Variants in SPHKAP observed in about 807,000 individuals in gnomAD.
SPHKAP encodes A-kinase anchor protein SPHKAP.
In SPHKAP, 67 loss-of-function variants were observed where a neutral mutation model predicts 137.5. That is an observed-to-expected ratio of 0.49 (90% CI 0.40 to 0.60). The LOEUF (loss-of-function observed/expected upper bound fraction) is 0.60. SPHKAP is among the 20% of genes least tolerant of loss of function. SPHKAP has a pLI of 0.00. For synonymous variants in SPHKAP, 813 were observed against 785.3 expected, an observed-to-expected ratio of 1.04 and a Z score of -0.59; for missense variants, 2,097 against 2,069.3, an observed-to-expected ratio of 1.01 and a Z score of -0.26.
intron 4 of SPHKAP, 34 bp from the exon 5 acceptor site, chr2:228,025,562 T>C: frequency 1.2e-6 from 2 of 1,610,672 alleles, no homozygotes; most frequent in Non-Finnish European, 1.7e-6. Flanking sequence ...GTTTAGCTGA[T>C]TTCTTTTCAC....
At chr2:228,006,544 A>G (rs1024922160) in intron 7 of SPHKAP, among the ~76,000 whole-genome samples, 5 of 152,138 alleles carry the variant, frequency 3.3e-5, no homozygotes, top group Non-Finnish European at 5.9e-5. Context: ...TCATCTCGTC[A>G]AAGTCATTCT....
intron 3 of SPHKAP, among the ~76,000 whole-genome samples, chr2:228,068,687 C>A (rs1696908097): frequency 6.6e-6 from 1 of 152,100 alleles, no homozygotes; most frequent in African/African-American, 2.4e-5. Context: ...CATACAAAAA[C>A]AAAATCAAAA....
intron 1 of SPHKAP, among the ~76,000 whole-genome samples, chr2:228,159,175 G>A (rs1238305011): frequency 5.9e-5 from 9 of 152,080 alleles, no homozygotes; most frequent in Admixed American, 5.9e-4. Flanking sequence ...TCCTAAATAT[G>A]GTGTGAAGGC....
At chr2:228,062,492 A>G (rs1008737358) in intron 3 of SPHKAP, among the ~76,000 whole-genome samples, 7 of 152,104 alleles carry the variant, frequency 4.6e-5, no homozygotes, top group Admixed American at 4.6e-4. Context: ...ATTTCCTATC[A>G]CATCTTGCAC....
At position 227,981,614 on chromosome 2, in the gene SPHKAP, A is replaced by G. The variant is rs1376067273; in HGVS notation, c.*103T>C. 1 of 1,427,200 alleles carries G rather than the reference A, an allele frequency of 7.0e-7. No individual in the cohort carries two copies. The highest frequency in any genetic ancestry group is 9.4e-7 in the Non-Finnish European group (1 of 1,062,246). The allele number at this position is 1,427,200 out of a possible 1,614,324, so 88.4% of individuals were successfully genotyped here. A position where few individuals can be genotyped will look rare whatever the true frequency, so the allele number is the denominator to read the frequency against. ...GCAGATTTTTTTTTATAGTTCTGCT[A>G]ATGTGATGTGATGTTTTGAGAATGT... is the stretch of plus-strand genomic sequence containing the variant. On this transcript the variant is annotated 3_prime_UTR_variant, in exon 12 of 12. Transcript: ENST00000392056.
intron 2 of SPHKAP, among the ~76,000 whole-genome samples, chr2:228,127,526 T>C (rs1222611847): frequency 1.3e-5 from 2 of 152,174 alleles, no homozygotes; most frequent in Non-Finnish European, 2.9e-5. Context: ...TGAAATGAAA[T>C]GAATGTGCTA....
rs200851225 is a variant in SPHKAP, at chr2:228,016,981, G to C, written c.3873C>G (p.Cys1291Trp). ...GGTCAGTCCCACCTCTCCGATACAAGCAAGAGTCAGATTTGCAGAGACCGG... is the reference window on the plus strand; with the variant it reads ...GGTCAGTCCCACCTCTCCGATACAACCAAGAGTCAGATTTGCAGAGACCGG... ...SSSGLCKSDS[C>W]LYRRGGTDHI... Residue 1291 changes from cysteine to tryptophan, a missense_variant, in exon 7 of 12, where the codon TGC becomes TGG. Transcript: ENST00000392056. 9.7e-5 allele frequency: 157 copies of C among 1,614,158 alleles called. 1 individual carries two copies. In the East Asian group the frequency reaches 3.3e-3, roughly 33 times the overall value.
intron 3 of SPHKAP, among the ~76,000 whole-genome samples, chr2:228,066,211 A>G (rs1485712932): frequency 6.6e-6 from 1 of 152,142 alleles, no homozygotes; most frequent in African/African-American, 2.4e-5. Context: ...GAAGCCCCAA[A>G]TGGTTCTTTT....
chr2:228,053,965 T>C (rs59974536), intron 3 of SPHKAP, among the ~76,000 whole-genome samples: 152,191 of 152,336 alleles, frequency 1, 76,025 homozygotes, highest in Middle Eastern at 1. Context: ...TTTAGTGCAT[T>C]GCTTCAAACA....
At chr2:228,133,280 C>T (rs56667814) in intron 1 of SPHKAP, among the ~76,000 whole-genome samples, 3,354 of 151,864 alleles carry the variant, frequency 0.022, 120 homozygotes, top group African/African-American at 0.077. Context: ...GTACTCCAGC[C>T]TGGGCCACAG....
chr2:228,157,159 T>C (rs1700130814), intron 1 of SPHKAP, among the ~76,000 whole-genome samples: 1 of 152,198 alleles, frequency 6.6e-6, no homozygotes, highest in Non-Finnish European at 1.5e-5. Flanking sequence ...TGAATATTAC[T>C]CTTATAAAGT....
At chr2:228,030,726 A>ATT (rs397974672) in intron 3 of SPHKAP, among the ~76,000 whole-genome samples, 44 of 146,858 alleles carry the variant, frequency 3.0e-4, no homozygotes, top group South Asian at 1.1e-3. Flanking sequence ...CCTCCATAAT[A>ATT]TTTTTTTTTT....
At chr2:228,157,709 G>A (rs377374476) in intron 1 of SPHKAP, among the ~76,000 whole-genome samples, 1 of 152,080 alleles carries the variant, frequency 6.6e-6, no homozygotes, top group Non-Finnish European at 1.5e-5. Flanking sequence ...GGAAGCTTAC[G>A]GAGGAAAGCT....
At chr2:228,099,013 T>C (rs1392360733) in intron 3 of SPHKAP, among the ~76,000 whole-genome samples, 2 of 152,216 alleles carry the variant, frequency 1.3e-5, no homozygotes, top group Non-Finnish European at 2.9e-5. Context: ...TCTCTTTTTC[T>C]GTGAAGAAGC....
chr2:228,157,011 G>T (rs995237992), intron 1 of SPHKAP, among the ~76,000 whole-genome samples: 3 of 152,092 alleles, frequency 2.0e-5, no homozygotes, highest in African/African-American at 7.2e-5. Context: ...ACAGTGCAAG[G>T]AGCTCAAGAT....
chr2:228,114,163 CTAA>C (rs1698628370), intron 2 of SPHKAP, among the ~76,000 whole-genome samples: 1 of 152,082 alleles, frequency 6.6e-6, no homozygotes. Flanking sequence ...AGATGAAGAG[CTAA>C]TAATGAATGT....
intron 3 of SPHKAP, among the ~76,000 whole-genome samples, chr2:228,041,967 C>G (rs989254223): frequency 6.6e-6 from 1 of 151,718 alleles, no homozygotes; most frequent in Non-Finnish European, 1.5e-5. Context: ...GTCTTAAGGC[C>G]GAACCATAAC....
intron 7 of SPHKAP, chr2:227,996,108 T>C (rs556718723): frequency 1.0e-6 from 1 of 985,184 alleles, no homozygotes; most frequent in Non-Finnish European, 1.2e-6. Context: ...TTGATTCTAA[T>C]GCAAGAGGAT....
intron 1 of SPHKAP, among the ~76,000 whole-genome samples, chr2:228,152,776 T>C (rs72969092): frequency 0.17 from 25,843 of 151,748 alleles, 2,635 homozygotes; most frequent in Middle Eastern, 0.28. Flanking sequence ...CCTTATTATG[T>C]TCTAAAACTA....
Sources: gnomAD v4.1 joint callset for allele counts (sites outside exome capture counted in the v4.1 genomes callset) on GRCh38, gnomAD v4.1.1 for gene constraint, MANE v1.5 for transcripts, NCBI Gene and HGNC (gene_info 2026-07-23, HGNC 2026-07-21) for gene names.